The following SMARCB1 variants were observed in gnomAD, a reference collection of about 807,000 sequenced individuals.
The protein encoded by SMARCB1 is SWI/SNF-related matrix-associated actin-dependent regulator of chromatin subfamily B member 1.
SMARCB1 carries 5 observed loss-of-function variants against 49.0 expected under a neutral mutation model. That is an observed-to-expected ratio of 0.10 (90% CI 0.05 to 0.21). The LOEUF (loss-of-function observed/expected upper bound fraction) is 0.21. Ranked by LOEUF, SMARCB1 falls within the 10% of genes least tolerant of loss-of-function variation. SMARCB1 has a pLI of 1.00. For missense variants in SMARCB1, 226 were observed against 509.2 expected, an observed-to-expected ratio of 0.44 and a Z score of 5.35; for synonymous variants, 201 against 200.1, an observed-to-expected ratio of 1.00 and a Z score of -0.04.
intron 6 of SMARCB1, chr22:23,817,986 A>T (rs566138069): frequency 3.9e-5 from 6 of 152,166 alleles, no homozygotes; most frequent in Admixed American, 2.0e-4. Context: ...CCACTAAGCC[A>T]GGCTAATTTT....
intron 7 of SMARCB1, among the ~76,000 whole-genome samples, chr22:23,829,578 G>A (rs1258530643): frequency 2.0e-5 from 3 of 152,200 alleles, no homozygotes; most frequent in Admixed American, 6.5e-5. Context: ...TCAGGTACAC[G>A]TTGGGCTGGT....
intron 7 of SMARCB1, among the ~76,000 whole-genome samples, chr22:23,833,190 G>C (rs956413066): frequency 6.6e-6 from 1 of 152,196 alleles, no homozygotes; most frequent in African/African-American, 2.4e-5. Flanking sequence ...GAGTGGAGCA[G>C]ACAGTCCTCC....
intron 2 of SMARCB1, 89 bp downstream of exon 2, chr22:23,791,983 C>A: frequency 7.0e-7 from 1 of 1,431,884 alleles, no homozygotes; most frequent in Non-Finnish European, 9.8e-7. Flanking sequence ...AGTGTCTTCA[C>A]TGCAGCCTTG....
At chr22:23,798,075 G>C (rs1928891795) in intron 3 of SMARCB1, among the ~76,000 whole-genome samples, 1 of 151,594 alleles carries the variant, frequency 6.6e-6, no homozygotes, top group African/African-American at 2.4e-5. Flanking sequence ...AGGATGAGGG[G>C]GCAGGGGCTC....
At chr22:23,829,353 G>A (rs1194189787) in intron 7 of SMARCB1, among the ~76,000 whole-genome samples, 2 of 152,180 alleles carry the variant, frequency 1.3e-5, no homozygotes, top group African/African-American at 2.4e-5. Flanking sequence ...ACCGAGAGGA[G>A]ACCAGGGACA....
Position 23,836,054 on chromosome 22 carries a change from G to T in SMARCB1, c.*1874G>T. On this transcript the variant is annotated 3_prime_UTR_variant, in exon 9 of 9. Transcript: ENST00000644036. ...GGACAGGCTTAGAACAACAAGGAAA[G>T]CTGCCAGGTCAGAAGAGAAAAATGA... The T allele has an allele frequency of 2.0e-6, 2 of 985,526 alleles. No individual in the cohort carries two copies. The highest frequency in any genetic ancestry group is 2.4e-6 in the Non-Finnish European group (2 of 829,962). The allele number at this position is 985,526 out of a possible 1,614,324, so 61.0% of individuals were successfully genotyped here.
chr22:23,795,252 C>T (rs1014009551), intron 3 of SMARCB1, among the ~76,000 whole-genome samples: 3 of 152,068 alleles, frequency 2.0e-5, no homozygotes, highest in Non-Finnish European at 4.4e-5. Context: ...GCCTGAGCAA[C>T]ATAGTGAGAC....
At chr22:23,834,110 C>T (rs367593276) in intron 8 of SMARCB1, 31 bp from the exon 9 acceptor site, 1,049 of 1,568,572 alleles carry the variant, frequency 6.7e-4, no homozygotes, top group African/African-American at 5.2e-3. Context: ...GAGCTGGCCC[C>T]GACTCATTGC....
intron 4 of SMARCB1, 101 bp from the exon 5 acceptor site, chr22:23,803,194 G>A (rs1929275932): frequency 1.3e-6 from 2 of 1,516,928 alleles, no homozygotes; most frequent in African/African-American, 1.4e-5. Flanking sequence ...ATCTTCCCCA[G>A]ATGGGTTTGC....
chr22:23,819,557 C>T (rs545385464), intron 6 of SMARCB1, among the ~76,000 whole-genome samples: 18 of 152,124 alleles, frequency 1.2e-4, no homozygotes, highest in African/African-American at 2.2e-4. Context: ...TCTCAAACTC[C>T]GCCTCAGCCT....
At chr22:23,819,035 A>G (rs1016870788) in intron 6 of SMARCB1, among the ~76,000 whole-genome samples, 69 of 151,930 alleles carry the variant, frequency 4.5e-4, no homozygotes, top group African/African-American at 1.6e-3. Context: ...TTTTTTTTGT[A>G]GAGATGGGGT....
At chr22:23,810,032 C>T (rs1192558958) in intron 5 of SMARCB1, among the ~76,000 whole-genome samples, 1 of 150,462 alleles carries the variant, frequency 6.6e-6, no homozygotes, top group South Asian at 2.1e-4. Flanking sequence ...ATTAGCCGGG[C>T]GTGGTGGCGC....
intron 5 of SMARCB1, chr22:23,803,929 G>C (rs1929335272): frequency 4.6e-6 from 1 of 219,160 alleles, no homozygotes; most frequent in African/African-American, 2.2e-5. Flanking sequence ...CTCGGTCTTT[G>C]TGCAAATGTA....
chr22:23,799,974 G>T (rs779876040), intron 3 of SMARCB1, among the ~76,000 whole-genome samples: 1 of 151,632 alleles, frequency 6.6e-6, no homozygotes, highest in African/African-American at 2.4e-5. Context: ...GTGAGCCACC[G>T]CGCCCGGCTA....
At chr22:23,816,384 A>T in intron 5 of SMARCB1, 1 of 383,552 alleles carries the variant, frequency 2.6e-6, no homozygotes, top group East Asian at 5.7e-5. Flanking sequence ...CTGTGCCATC[A>T]CGTCTGCCAC....
chr22:23,806,441 T>C (rs1451518289), intron 5 of SMARCB1, among the ~76,000 whole-genome samples: 2 of 152,220 alleles, frequency 1.3e-5, no homozygotes, highest in Non-Finnish European at 2.9e-5. Flanking sequence ...CTGGGTGGTA[T>C]TTGGCATTTG....
chr22:23,817,159 C>G, intron 6 of SMARCB1: 3 of 598,602 alleles, frequency 5.0e-6, no homozygotes, highest in South Asian at 2.0e-5. Context: ...CAGGGGGTGT[C>G]TCTGAGGCAC....
rs2031230447 is a variant in SMARCB1 at position 23,837,915 on chromosome 22, T to A, written c.*3735T>A. The A allele has an allele frequency of 6.7e-7, 1 of 1,503,108 alleles. No individual in the cohort carries two copies. Among genetic ancestry groups the A allele is most frequent in the South Asian group, 1.2e-5 (1 of 81,810 alleles). The allele number at this position is 1,503,108 out of a possible 1,614,324, so 93.1% of individuals were successfully genotyped here. ...AGCCCAAGCCCAGGGCCCCTCTGACTTCCCAAGACCCTGGAATTCTTCCCC... is the reference window on the plus strand; with the variant it reads ...AGCCCAAGCCCAGGGCCCCTCTGACATCCCAAGACCCTGGAATTCTTCCCC... On this transcript the variant is annotated 3_prime_UTR_variant, in exon 9 of 9. Coordinates refer to ENST00000644036, the MANE Select transcript of SMARCB1 (RefSeq NM_003073.5).
chr22:23,825,130 G>C, intron 6 of SMARCB1, 95 bp from the exon 7 acceptor site: 1 of 970,362 alleles, frequency 1.0e-6, no homozygotes, highest in Admixed American at 1.7e-5. Context: ...GGACCCTGGT[G>C]GGCAGGGCCC....
Sources: gnomAD v4.1 joint callset for allele counts (sites outside exome capture counted in the v4.1 genomes callset) on GRCh38, gnomAD v4.1.1 for gene constraint, MANE v1.5 for transcripts, NCBI Gene and HGNC (gene_info 2026-07-23, HGNC 2026-07-21) for gene names.